Variants in ZC3H4 observed in about 807,000 individuals in gnomAD.
ZC3H4 encodes the protein zinc finger CCCH domain-containing protein 4.
A neutral mutation model predicts 108.3 loss-of-function variants in ZC3H4; 13 were observed. The observed-to-expected ratio is 0.12, with a 90% confidence interval of 0.08 to 0.19. The LOEUF (loss-of-function observed/expected upper bound fraction) is 0.19. Among genes scored for constraint, ZC3H4 ranks in the 10% least tolerant of loss-of-function variants. ZC3H4 has a pLI of 1.00. For missense variants in ZC3H4, 1,734 were observed against 1,838.8 expected (o/e 0.94, Z 1.04); for synonymous variants, 917 against 749.6 (o/e 1.22, Z -3.65).
rs766898086 is a variant in ZC3H4 at position 47,072,431 on chromosome 19, T to C, written c.1723A>G (p.Met575Val). Residue 575 changes from methionine (M) to valine (V), a missense_variant, in exon 12 of 15, where the codon ATG becomes GTG. By Grantham distance (21) the Met-to-Val change is conservative (BLOSUM62 1). This residue lies in a region of ZC3H4 where 75 missense variants were observed against 85.8 expected (regional missense o/e 0.87). Coordinates refer to ENST00000253048, the MANE Select transcript of ZC3H4 (RefSeq NM_015168.2). The surrounding 1 kb of genome is among the most constrained non-coding windows in gnomAD (Gnocchi z 5.6). The stretch of plus-strand genomic sequence containing the variant: ...AAGGAGGGGATCTTCTTGTTGTACA[T>C]GTCCTGCTGCTGCAGCTGCTGCGGG... Reference protein sequence around the residue: ...LSPQQLQQQDMYNKKIPSLFE... With the variant: ...LSPQQLQQQDVYNKKIPSLFE... 2.5e-6 allele frequency: 4 copies of C among 1,611,470 alleles called. No homozygotes were observed. The highest frequency in any genetic ancestry group is 3.4e-6 in the Non-Finnish European group (4 of 1,179,058).
chr19:47,082,588 T>C (rs974110463), intron 9 of ZC3H4, among the ~76,000 whole-genome samples: 3 of 152,188 alleles, frequency 2.0e-5, no homozygotes, highest in African/African-American at 7.2e-5. Flanking sequence ...GCTGGGATTA[T>C]AGCCATGAGC....
chr19:47,089,941 G>A lies in ZC3H4; in HGVS notation c.715+26C>T, dbSNP rs752519266. ...GCCCGGGTGGCTCCGATGCCCCAGA[G>A]GAGAAACTGTAAGGGCAGGGCTCAC... On this transcript the variant is annotated intron_variant, in intron 5 of 14. Transcript: ENST00000253048. The A allele has an allele frequency of 6.8e-6, 11 of 1,613,230 alleles. No homozygotes were observed. The South Asian group carries it at 1.2e-4, about 18-fold the overall frequency.
In ZC3H4 at chr19:47,067,609, G is replaced by A. The variant is rs1175018383; in HGVS notation, c.2659C>T (p.Pro887Ser). Reference sequence around the variant, plus strand: ...GCGCGAGCCAGCCGAGGATCGGAGGGTCCCGAATCACCTGGGCCAGACCCG... The same window carrying A: ...GCGCGAGCCAGCCGAGGATCGGAGGATCCCGAATCACCTGGGCCAGACCCG... ...SGGSGPGDSG[P>S]SDPRLARALP... The change falls in exon 15 of 15, where the codon CCC (proline) becomes TCC (serine). Residue 887 changes from proline to serine, a missense_variant. By Grantham distance (74) the Pro-to-Ser change is moderately conservative. This residue lies in a region of ZC3H4 where 540 missense variants were observed against 484.1 expected (regional missense o/e 1.12). Transcript: ENST00000253048. This position sits in a 1 kb window ranked among gnomAD's most constrained non-coding sequence, Gnocchi z 6.4. 6 of 1,606,150 alleles carry A rather than the reference G, an allele frequency of 3.7e-6. No homozygotes were observed. The African/African-American group carries it at 4.0e-5, about 11-fold the overall frequency.
intron 2 of ZC3H4, among the ~76,000 whole-genome samples, chr19:47,109,210 T>C (rs990228014): frequency 1.3e-5 from 2 of 152,218 alleles, no homozygotes; most frequent in African/African-American, 4.8e-5. Flanking sequence ...ATACAGTTTT[T>C]GACTTAATTA....
Position 47,064,331 on chromosome 19 carries a change from TAC to T in ZC3H4, c.*2023_*2024del, listed in dbSNP as rs1470110971. ...AGTCATGCGGCGATCATTGTAAAAA[TAC>T]AGTTCATTATATACATATTTGCACC... is the stretch of plus-strand genomic sequence containing the variant. On this transcript the variant is annotated 3_prime_UTR_variant, in exon 15 of 15. Coordinates refer to ENST00000253048, the MANE Select transcript of ZC3H4 (RefSeq NM_015168.2). 3 of 152,580 alleles carry T rather than the reference TAC, an allele frequency of 2.0e-5. No homozygotes were observed. Among genetic ancestry groups the T allele is most frequent in the Non-Finnish European group, 2.9e-5 (2 of 68,022 alleles). The allele number at this position is 152,580 out of a possible 1,614,324, so 9.5% of individuals were successfully genotyped here.
intron 2 of ZC3H4, among the ~76,000 whole-genome samples, chr19:47,107,864 A>G (rs1031018003): frequency 2.0e-5 from 3 of 152,188 alleles, no homozygotes; most frequent in Non-Finnish European, 4.4e-5. Context: ...ATTAACTCCT[A>G]AAAGCAAAAG....
intron 2 of ZC3H4, among the ~76,000 whole-genome samples, chr19:47,107,460 A>G (rs2057981661): frequency 1.3e-5 from 2 of 152,138 alleles, no homozygotes; most frequent in Non-Finnish European, 2.9e-5. Context: ...CAAAGTCCAC[A>G]GTCTTCCTCC....
chr19:47,110,964 G>A (rs1394999763), intron 2 of ZC3H4: 1 of 981,148 alleles, frequency 1.0e-6, no homozygotes, highest in African/African-American at 1.8e-5. Context: ...GGTCTGTGAA[G>A]GAGAAAGGGG....
chr19:47,077,284 C>CA (rs1326355202), intron 11 of ZC3H4, among the ~76,000 whole-genome samples: 3 of 151,756 alleles, frequency 2.0e-5, no homozygotes, highest in African/African-American at 7.3e-5. Flanking sequence ...GCCTGGCTAA[C>CA]ATGGTGAAAC....
At chr19:47,102,594 A>G (rs1030539638) in intron 2 of ZC3H4, among the ~76,000 whole-genome samples, 1 of 152,192 alleles carries the variant, frequency 6.6e-6, no homozygotes, top group African/African-American at 2.4e-5. Context: ...ACAAGCACTT[A>G]GCAGGAACCT....
chr19:47,094,701 C>G, intron 2 of ZC3H4, 93 bp from the exon 3 acceptor site: 1 of 1,342,476 alleles, frequency 7.4e-7, no homozygotes, highest in Admixed American at 1.9e-5. Context: ...GAACCGAAGG[C>G]CTGACTGCTG....
intron 5 of ZC3H4, among the ~76,000 whole-genome samples, chr19:47,088,643 G>C (rs557164857): frequency 6.6e-6 from 1 of 152,052 alleles, no homozygotes; most frequent in Non-Finnish European, 1.5e-5. Flanking sequence ...GGGTGACAGA[G>C]CAAGATTCTG....
intron 11 of ZC3H4, among the ~76,000 whole-genome samples, chr19:47,075,365 G>A (rs1016515877): frequency 4.6e-5 from 7 of 152,098 alleles, no homozygotes; most frequent in Admixed American, 2.0e-4. Context: ...ACACTGCCAC[G>A]GGCTCACTTC....
chr19:47,079,059 C>T (rs1480530803), intron 11 of ZC3H4, among the ~76,000 whole-genome samples: 1 of 147,332 alleles, frequency 6.8e-6, no homozygotes, highest in African/African-American at 2.5e-5. Context: ...GACAGAGTCT[C>T]GCTCTTGTTG....
At chr19:47,107,490 G>A (rs1377114877) in intron 2 of ZC3H4, among the ~76,000 whole-genome samples, 1 of 151,902 alleles carries the variant, frequency 6.6e-6, no homozygotes, top group Non-Finnish European at 1.5e-5. Context: ...TGCCACCTCC[G>A]ACATTCAAAA....
At chr19:47,075,675 A>ACC (rs2057406963) in intron 11 of ZC3H4, among the ~76,000 whole-genome samples, 1 of 152,030 alleles carries the variant, frequency 6.6e-6, no homozygotes, top group African/African-American at 2.4e-5. Flanking sequence ...CAAGGACCTA[A>ACC]CCCTGCCTCC....
chr19:47,075,312 A>G (rs932509660), intron 11 of ZC3H4, among the ~76,000 whole-genome samples: 1 of 152,240 alleles, frequency 6.6e-6, no homozygotes, highest in Non-Finnish European at 1.5e-5. Flanking sequence ...ACCTGAGATG[A>G]GCCTTGCTGG....
rs766071674 is a variant in ZC3H4, at chr19:47,072,764, C to T, written c.1441-51G>A. 22 of 1,602,458 alleles carry T rather than the reference C, an allele frequency of 1.4e-5. No homozygotes were observed. Among genetic ancestry groups the T allele is most frequent in the Admixed American group, 5.1e-5 (3 of 59,168 alleles). ...GGTGTGGACGGGGTCAGGATGGAAA[C>T]GGACCTCTCCAGGTCTGAGAGCTGA... is the stretch of plus-strand genomic sequence containing the variant. On this transcript the variant is annotated intron_variant, in intron 11 of 14. Coordinates refer to ENST00000253048, the MANE Select transcript of ZC3H4 (RefSeq NM_015168.2). This position sits in a 1 kb window ranked among gnomAD's most constrained non-coding sequence, Gnocchi z 5.6.
chr19:47,090,139 T>C lies in ZC3H4; in HGVS notation c.543A>G (p.Ala181=), dbSNP rs1348802021. The change falls in exon 5 of 15, where the codon GCA becomes GCG. Residue 181 remains alanine, a synonymous_variant. Transcript: ENST00000253048. Reference sequence around the variant, plus strand: ...AACTCTTGCTGTCCATCTTGGAGTATGCCTTCTTGGGCAGGGGCGTGGCAT... The same window carrying C: ...AACTCTTGCTGTCCATCTTGGAGTACGCCTTCTTGGGCAGGGGCGTGGCAT... The part of the protein sequence containing the change: ...PSHATPLPKK[A]YSKMDSKSYG... 1.2e-6 allele frequency: 2 copies of C among 1,614,220 alleles called. No homozygotes were observed. Among genetic ancestry groups the C allele is most frequent in the South Asian group, 2.2e-5 (2 of 91,088 alleles).
Sources: gnomAD v4.1 joint callset for allele counts (sites outside exome capture counted in the v4.1 genomes callset) on GRCh38, gnomAD v4.1.1 for gene constraint, gnomAD v4.1.1 regional missense constraint, Gnocchi (gnomAD v3.1) non-coding constraint, MANE v1.5 for transcripts, NCBI Gene and HGNC (gene_info 2026-07-23, HGNC 2026-07-21) for gene names.